Variants in MAGED1 observed in about 807,000 individuals in gnomAD.
MAGED1 encodes melanoma-associated antigen D1.
MAGED1 carries 3 observed loss-of-function variants against 54.1 expected under a neutral mutation model. The ratio of observed to expected loss-of-function variants is 0.06; its 90% CI spans 0.03 to 0.14. The LOEUF is 0.14. Among genes scored for constraint, MAGED1 ranks in the 10% least tolerant of loss-of-function variants. The pLI is 1.00. For missense variants in MAGED1, 485 were observed against 623.4 expected, an observed-to-expected ratio of 0.78 and a Z score of 2.36; for synonymous variants, 217 against 227.3, an observed-to-expected ratio of 0.95 and a Z score of 0.41.
intron 1 of MAGED1, among the ~76,000 whole-genome samples, chrX:51,864,229 A>G (rs1557360928): frequency 2.7e-5 from 3 of 109,574 alleles, no homozygotes; most frequent in African/African-American, 9.9e-5. Flanking sequence ...ATAATGATCC[A>G]ATTTCATTTT....
chrX:51,836,343 G>GTGA (rs782469328), intron 1 of MAGED1, among the ~76,000 whole-genome samples: 150 of 110,888 alleles, frequency 1.4e-3, no homozygotes, highest in African/African-American at 4.6e-3. Context: ...ATTCTGGAAT[G>GTGA]TGATAAAACT....
At chrX:51,870,222 A>G (rs192458148) in intron 1 of MAGED1, among the ~76,000 whole-genome samples, 275 of 112,058 alleles carry the variant, frequency 2.5e-3, no homozygotes, top group African/African-American at 8.7e-3. Context: ...TTTGTATTCT[A>G]TAATTTACTG....
At chrX:51,831,733 C>G (rs185549603) in intron 1 of MAGED1, among the ~76,000 whole-genome samples, 1 of 111,894 alleles carries the variant, frequency 8.9e-6, no homozygotes, top group East Asian at 2.8e-4. Context: ...TACTATGAAT[C>G]TTTAAATTTT....
chrX:51,811,342 A>G (rs1249255148), intron 1 of MAGED1, among the ~76,000 whole-genome samples: 2 of 111,858 alleles, frequency 1.8e-5, no homozygotes, highest in East Asian at 5.6e-4. Context: ...TTTATTACCA[A>G]TTGGACATTA....
At chrX:51,896,077 A>G (rs976045576) in intron 3 of MAGED1, 43 of 375,815 alleles carry the variant, frequency 1.1e-4, no homozygotes, top group Non-Finnish European at 1.9e-4. Context: ...CCTACCAGGT[A>G]GGGATCATAG....
intron 1 of MAGED1, among the ~76,000 whole-genome samples, chrX:51,835,543 T>C (rs1196927059): frequency 1.8e-5 from 2 of 111,578 alleles, no homozygotes; most frequent in Non-Finnish European, 3.8e-5. Flanking sequence ...TTGTTACTAA[T>C]GTGTCTTTTT....
At chrX:51,899,058 G>A (rs1928889703) in intron 10 of MAGED1, 1 of 121,898 alleles carries the variant, frequency 8.2e-6, no homozygotes, top group Non-Finnish European at 1.7e-5. Context: ...CTATACTTGT[G>A]CATATGTGTT....
intron 1 of MAGED1, among the ~76,000 whole-genome samples, chrX:51,856,484 C>CA (rs1471781492): frequency 8.9e-6 from 1 of 112,127 alleles, no homozygotes; most frequent in African/African-American, 3.2e-5. Flanking sequence ...TGATGACTAA[C>CA]AAAATGGAAT....
At chrX:51,898,693 T>C (rs782243607) in intron 10 of MAGED1, 50 bp downstream of exon 10, 30 of 1,105,389 alleles carry the variant, frequency 2.7e-5, no homozygotes, top group Admixed American at 1.5e-4. Context: ...TCTGCCTGTG[T>C]GCTGGTCAGC....
intron 1 of MAGED1, among the ~76,000 whole-genome samples, chrX:51,869,112 G>A (rs1197794471): frequency 9.0e-6 from 1 of 111,442 alleles, no homozygotes; most frequent in Admixed American, 9.5e-5. Flanking sequence ...TGTGGAAGGA[G>A]ATTTGGAGGA....
intron 1 of MAGED1, among the ~76,000 whole-genome samples, chrX:51,812,926 C>CTTT (rs782006688): frequency 1.1e-5 from 1 of 92,243 alleles, no homozygotes; most frequent in Non-Finnish European, 2.2e-5. Context: ...TGTTGTTTTC[C>CTTT]TTTTTTTTTT....
rs1602270188 is a variant in MAGED1 at position 51,894,701 on chromosome X, C to A, written c.45+352C>A. ...CCTCCACCCTCCCTCTTTCTGCATT[C>A]CCCACTCTGTGCGACCCCCCTTATT... is the stretch of plus-strand genomic sequence containing the variant. On this transcript the variant is annotated intron_variant, in intron 2 of 12. Transcript: ENST00000326587. 3 of 1,167,638 alleles carry A rather than the reference C, an allele frequency of 2.6e-6. No homozygotes were observed. The East Asian group carries it at 9.0e-5, about 35-fold the overall frequency.
intron 1 of MAGED1, among the ~76,000 whole-genome samples, chrX:51,826,989 T>C (rs781847072): frequency 1.1e-4 from 12 of 112,460 alleles, no homozygotes; most frequent in Non-Finnish European, 1.5e-4. Context: ...AGATGTCCTT[T>C]AGTAGGTGAA....
chrX:51,882,692 A>C (rs1928099497), intron 1 of MAGED1, among the ~76,000 whole-genome samples: 1 of 108,971 alleles, frequency 9.2e-6, no homozygotes, highest in Admixed American at 9.7e-5. Context: ...ATTATTTTTT[A>C]CTTTTATTTT....
chrX:51,861,086 A>G (rs781855737), intron 1 of MAGED1, among the ~76,000 whole-genome samples: 2 of 111,688 alleles, frequency 1.8e-5, no homozygotes, highest in South Asian at 7.6e-4. Context: ...CAAAAGAATA[A>G]AAAGCAAACA....
chrX:51,873,694 A>G (rs948961281), intron 1 of MAGED1, among the ~76,000 whole-genome samples: 8 of 110,228 alleles, frequency 7.3e-5, no homozygotes, highest in Non-Finnish European at 1.5e-4. Flanking sequence ...CAAGCCCAGG[A>G]CCTCCACAAT....
At chrX:51,826,893 G>A (rs1331634096) in intron 1 of MAGED1, among the ~76,000 whole-genome samples, 1 of 112,263 alleles carries the variant, frequency 8.9e-6, no homozygotes, top group African/African-American at 3.2e-5. Flanking sequence ...TACTCAAATG[G>A]GTTGAAAACT....
intron 1 of MAGED1, among the ~76,000 whole-genome samples, chrX:51,860,346 ATAAAG>A (rs1173108230): frequency 8.9e-6 from 1 of 111,999 alleles, no homozygotes; most frequent in Non-Finnish European, 1.9e-5. Flanking sequence ...GAGGCTATTT[ATAAAG>A]TAGATACTGA....
chrX:51,901,364 G>A (rs1929014140), intron 11 of MAGED1, among the ~76,000 whole-genome samples, 189 bp from the exon 12 acceptor site: 1 of 111,942 alleles, frequency 8.9e-6, no homozygotes, highest in African/African-American at 3.3e-5. Flanking sequence ...TTAGCATAAT[G>A]TCATCCAGCA....
Sources: allele counts gnomAD v4.1 joint callset (sites outside exome capture counted in the v4.1 genomes callset), GRCh38; gene constraint gnomAD v4.1.1; transcripts MANE v1.5; gene names NCBI Gene and HGNC (gene_info 2026-07-23, HGNC 2026-07-21).